Variants in FAM227A observed in about 807,000 individuals in gnomAD.
FAM227A encodes family with sequence similarity 227 member A.
FAM227A carries 80 observed loss-of-function variants against 74.7 expected under a neutral mutation model. That is an observed-to-expected ratio of 1.07 (90% CI 0.89 to 1.29). The LOEUF (loss-of-function observed/expected upper bound fraction) is 1.29. Among genes scored for constraint, FAM227A ranks in the 50% most tolerant of loss-of-function variants. The pLI, the probability that FAM227A is intolerant of heterozygous loss-of-function variation, is 0.00. For synonymous variants in FAM227A, 237 were observed against 241.8 expected (o/e 0.98, Z 0.19); for missense variants, 654 against 683.4 (o/e 0.96, Z 0.48).
chr22:38,626,891 A>AAAAAAATATAT (rs1555966996), intron 8 of FAM227A, among the ~76,000 whole-genome samples: 5 of 57,688 alleles, frequency 8.7e-5, no homozygotes, highest in African/African-American at 3.5e-4. Flanking sequence ...AAAAAAAAAA[A>AAAAAAATATAT]ATATATATAT....
chr22:38,613,073 T>C (rs1451252478), intron 11 of FAM227A, among the ~76,000 whole-genome samples: 1 of 97,070 alleles, frequency 1.0e-5, no homozygotes, highest in Non-Finnish European at 1.9e-5. Flanking sequence ...GTAAATATAT[T>C]ATATATAATT....
chr22:38,636,423 C>T (rs1479729460), intron 6 of FAM227A, 28 bp downstream of exon 6: 4 of 1,547,706 alleles, frequency 2.6e-6, no homozygotes, highest in East Asian at 4.9e-5. Flanking sequence ...GGTTGGCAAA[C>T]TCAGGGCAGG....
chr22:38,609,832 C>T lies in FAM227A; in HGVS notation c.1039-2356G>A, dbSNP rs867311834. On this transcript the variant is annotated intron_variant, in intron 11 of 16. Coordinates refer to ENST00000535113, the MANE Select transcript of FAM227A (RefSeq NM_001013647.2). Reference sequence around the variant, plus strand: ...TGTTGCCCAGGCTGGAGTGCAAGGGCGCGATCTCAGCTCACTGCAACCTCC... The same window carrying T: ...TGTTGCCCAGGCTGGAGTGCAAGGGTGCGATCTCAGCTCACTGCAACCTCC... Among the ~76,000 whole-genome samples the T allele has an allele frequency of 1.3e-4, 19 of 150,382 alleles. No homozygotes were observed. The South Asian group carries it at 2.8e-3, about 22-fold the overall frequency.
chr22:38,615,214 G>T (rs1267705287), intron 11 of FAM227A, among the ~76,000 whole-genome samples: 5 of 152,108 alleles, frequency 3.3e-5, no homozygotes, highest in Admixed American at 3.3e-4. Flanking sequence ...GTAGAGATGG[G>T]GTTTCACCAT....
At chr22:38,632,260 A>C (rs1479066197) in intron 6 of FAM227A, among the ~76,000 whole-genome samples, 1 of 152,148 alleles carries the variant, frequency 6.6e-6, no homozygotes, top group East Asian at 1.9e-4. Context: ...CTATGGTCTG[A>C]ATGTGTTCCC....
At chr22:38,593,767 C>T (rs1026316118) in intron 15 of FAM227A, among the ~76,000 whole-genome samples, 33 of 152,112 alleles carry the variant, frequency 2.2e-4, no homozygotes, top group African/African-American at 7.2e-4. Flanking sequence ...CCCGGCTCAC[C>T]GCAACTTCTG....
At chr22:38,609,139 A>G (rs1290194655) in intron 11 of FAM227A, among the ~76,000 whole-genome samples, 1 of 152,140 alleles carries the variant, frequency 6.6e-6, no homozygotes, top group Non-Finnish European at 1.5e-5. Flanking sequence ...AGCTCCTGCC[A>G]TCATATTCGC....
At chr22:38,620,172 G>A (rs2091657302) in intron 11 of FAM227A, 40 bp downstream of exon 11, 1 of 1,394,596 alleles carries the variant, frequency 7.2e-7, no homozygotes, top group Non-Finnish European at 9.9e-7. Context: ...TGAAGCTTAT[G>A]GGACTCCAAA....
chr22:38,636,421 A>G, intron 6 of FAM227A, 30 bp downstream of exon 6: 1 of 1,547,136 alleles, frequency 6.5e-7, no homozygotes, highest in Non-Finnish European at 8.7e-7. Flanking sequence ...TGGGTTGGCA[A>G]ACTCAGGGCA....
chr22:38,640,178 C>T lies in FAM227A; in HGVS notation c.226-454G>A, dbSNP rs546846622. On this transcript the variant is annotated intron_variant, in intron 3 of 16. Transcript: ENST00000535113. The stretch of plus-strand genomic sequence containing the variant: ...CCTCCCGAGTAGCTGGGACTACAGG[C>T]GCCTGCCACCACGCCCGGCTAATTT... Among the ~76,000 whole-genome samples the T allele has an allele frequency of 7.8e-3, 1,179 of 152,038 alleles. 12 individuals carry two copies. The highest frequency in any genetic ancestry group is 0.011 in the Admixed American group (170 of 15,256).
chr22:38,610,541 G>A (rs1034066249), intron 11 of FAM227A, among the ~76,000 whole-genome samples: 2 of 152,068 alleles, frequency 1.3e-5, no homozygotes, highest in African/African-American at 4.8e-5. Context: ...TCTATTACCT[G>A]CTTTGTCAAA....
At chr22:38,595,897 G>A (rs1198926017) in intron 15 of FAM227A, among the ~76,000 whole-genome samples, 2 of 148,572 alleles carry the variant, frequency 1.3e-5, no homozygotes, top group African/African-American at 5.0e-5. Flanking sequence ...GCTACTTTGA[G>A]GAAATATCAG....
chr22:38,587,567 G>A (rs1377304606), intron 16 of FAM227A, among the ~76,000 whole-genome samples: 2 of 152,048 alleles, frequency 1.3e-5, no homozygotes, highest in South Asian at 2.1e-4. Context: ...CAAATAAAAC[G>A]ATTGAATCAA....
intron 10 of FAM227A, 25 bp downstream of exon 10, chr22:38,623,147 C>T (rs1398320189): frequency 4.1e-6 from 6 of 1,478,142 alleles, no homozygotes; most frequent in Admixed American, 2.0e-5. Flanking sequence ...GCAAAGAAGG[C>T]GGGAGGCTGT....
chr22:38,654,775 C>CAAAAAAAAA (rs34383650), intron 1 of FAM227A, among the ~76,000 whole-genome samples: 2 of 84,952 alleles, frequency 2.4e-5, no homozygotes, highest in Non-Finnish European at 2.3e-5. Context: ...CTAAAAATAC[C>CAAAAAAAAA]AAAAAAAAAA....
chr22:38,645,709 G>T, intron 2 of FAM227A, 64 bp from the exon 3 acceptor site: 2 of 1,053,728 alleles, frequency 1.9e-6, no homozygotes, highest in South Asian at 2.8e-5. Flanking sequence ...GATGGGGCTT[G>T]TCTGGTGAGA....
intron 3 of FAM227A, among the ~76,000 whole-genome samples, chr22:38,641,308 A>G (rs2092109107): frequency 6.6e-6 from 1 of 152,166 alleles, no homozygotes; most frequent in South Asian, 2.1e-4. Context: ...TCAAATACAC[A>G]GATTCCCGGG....
intron 13 of FAM227A, among the ~76,000 whole-genome samples, chr22:38,604,757 G>A (rs753715789): frequency 1.3e-5 from 2 of 152,116 alleles, no homozygotes; most frequent in Non-Finnish European, 2.9e-5. Flanking sequence ...AGGTTCAAGC[G>A]ATTCTCCTGC....
rs1423815266 is a variant in FAM227A, at chr22:38,597,111, C to G, written c.1532+93G>C. The G allele has an allele frequency of 5.6e-6, 7 of 1,254,272 alleles. No homozygotes were observed. In the South Asian group the frequency reaches 9.9e-5, roughly 18 times the overall value. The allele number at this position is 1,254,272 out of a possible 1,614,324, so 77.7% of individuals were successfully genotyped here. Reference sequence around the variant, plus strand: ...TGCTTATGATGGTTACAGGAAACCCCCCTGCCCCACCAACCCATTTAAAAA... The same window carrying G: ...TGCTTATGATGGTTACAGGAAACCCGCCTGCCCCACCAACCCATTTAAAAA... On this transcript the variant is annotated intron_variant, in intron 15 of 16. Transcript: ENST00000535113.
Sources: gnomAD v4.1 joint callset for allele counts (sites outside exome capture counted in the v4.1 genomes callset) on GRCh38, gnomAD v4.1.1 for gene constraint, MANE v1.5 for transcripts, NCBI Gene and HGNC (gene_info 2026-07-23, HGNC 2026-07-21) for gene names.